Variants in TMCC2 observed in about 807,000 individuals in gnomAD.
The protein encoded by TMCC2 is transmembrane and coiled-coil domain family 2, also known as transmembrane and coiled-coil domains protein 2.
A neutral mutation model predicts 49.4 loss-of-function variants in TMCC2; 16 were observed. The observed-to-expected ratio is 0.32, with a 90% CI of 0.22 to 0.49. TMCC2 has a LOEUF of 0.49. TMCC2 is among the 20% of genes least tolerant of loss of function. The pLI is 0.99. For missense variants in TMCC2, 762 were observed against 989.8 expected, an observed-to-expected ratio of 0.77 and a Z score of 3.09; for synonymous variants, 397 against 434.1, an observed-to-expected ratio of 0.91 and a Z score of 1.06.
Position 205,269,334 on chromosome 1 carries a change from CG to C in TMCC2, c.1135del (p.Asp379ThrfsTer6). On this transcript the variant is annotated frameshift_variant, in exon 3 of 5. Transcript: ENST00000358024. LOFTEE classifies it high-confidence loss of function. ...GPSRQPKDVLRDMQQGLKDVG... is the reference protein window; with the variant it reads ...GPSRQPKDVLXDMQQGLKDVG... ...CTCGCGGCAGCCCAAGGACGTGCTG[CG>C]GGACATGCAGCAGGGGCTGAAGGAC... 6.2e-7 allele frequency: 1 copy of C among 1,613,152 alleles called. No homozygotes were observed. The highest frequency in any genetic ancestry group is 8.5e-7 in the Non-Finnish European group (1 of 1,179,856).
chr1:205,256,487 A>G, intron 2 of TMCC2: 1 of 1,467,172 alleles, frequency 6.8e-7, no homozygotes, highest in Non-Finnish European at 9.3e-7. Flanking sequence ...TGGGAAGCAG[A>G]AGCTAGTGCA....
At chr1:205,236,871 A>T (rs1051190702) in intron 1 of TMCC2, 1 of 152,178 alleles carries the variant, frequency 6.6e-6, no homozygotes, top group Non-Finnish European at 1.5e-5. Flanking sequence ...AAAGTCTTCT[A>T]TGTTGGTGTG....
chr1:205,257,063 T>A, intron 2 of TMCC2: 1 of 763,376 alleles, frequency 1.3e-6, no homozygotes, highest in Non-Finnish European at 1.7e-6. Context: ...GAGGGGCATC[T>A]CATCAGAGCT....
Position 205,271,916 on chromosome 1 carries a change from C to G in TMCC2, c.1922C>G (p.Ala641Gly). The change falls in exon 5 of 5, where the codon GCG becomes GGG. Residue 641 changes from alanine to glycine, a missense_variant. Transcript: ENST00000358024. Reference protein sequence around the residue: ...LEGVENANARALLGKFINVIL... With the variant: ...LEGVENANARGLLGKFINVIL... ...GGCGTGGAGAATGCCAACGCGCGGG[C>G]GCTGCTGGGCAAGTTCATCAACGTG... The G allele has an allele frequency of 6.2e-7, 1 of 1,614,194 alleles. No individual in the cohort carries two copies. The highest frequency in any genetic ancestry group is 8.5e-7 in the Non-Finnish European group (1 of 1,180,026).
chr1:205,253,081 A>G (rs1022337519), intron 2 of TMCC2, among the ~76,000 whole-genome samples: 4 of 152,040 alleles, frequency 2.6e-5, no homozygotes, highest in Non-Finnish European at 5.9e-5. Context: ...GCTTCCGTGA[A>G]CCATGATCAC....
At chr1:205,257,500 G>A in intron 2 of TMCC2, 1 of 978,572 alleles carries the variant, frequency 1.0e-6, no homozygotes, top group Non-Finnish European at 1.3e-6. Context: ...TCTCCTCCAG[G>A]TATAGAGAAC....
At chr1:205,237,536 GGGA>G (rs2102534603) in intron 1 of TMCC2, among the ~76,000 whole-genome samples, 1 of 152,302 alleles carries the variant, frequency 6.6e-6, no homozygotes, top group South Asian at 2.1e-4. Flanking sequence ...AAGCTTTCCT[GGGA>G]TTTGTTGAGA....
intron 2 of TMCC2, among the ~76,000 whole-genome samples, chr1:205,242,334 C>T (rs942408295): frequency 3.3e-5 from 5 of 152,138 alleles, no homozygotes; most frequent in Non-Finnish European, 5.9e-5. Flanking sequence ...TATCAAGAGG[C>T]AATAGGTATA....
chr1:205,266,240 CAAAAA>C (rs35034505), intron 2 of TMCC2, among the ~76,000 whole-genome samples: 1 of 49,278 alleles, frequency 2.0e-5, no homozygotes, highest in Non-Finnish European at 4.3e-5. Flanking sequence ...GACTCTGTCT[CAAAAA>C]AAAAAAAAAA....
Position 205,241,522 on chromosome 1 carries a change from A to G in TMCC2, c.225A>G (p.Ser75=), listed in dbSNP as rs1660261843. 1 of 1,613,614 alleles carries G rather than the reference A, an allele frequency of 6.2e-7. No individual in the cohort carries two copies. Among genetic ancestry groups the G allele is most frequent in the African/African-American group, 1.3e-5 (1 of 74,904 alleles). ...CCCTTAAGAAAATCCAGCAGCTGTC[A>G]GAGGGCTCCATGTTTGGCCACGGTC... is the stretch of plus-strand genomic sequence containing the variant. The part of the protein sequence containing the change: ...PPDLKKIQQL[S]EGSMFGHGLK... The change falls in exon 2 of 5, where the codon TCA becomes TCG. Residue 75 remains serine (S), a synonymous_variant. Transcript: ENST00000358024. The surrounding 1 kb of genome is among the most constrained non-coding windows in gnomAD (Gnocchi z 7.3).
chr1:205,231,093 A>C (rs1004292365), intron 1 of TMCC2, among the ~76,000 whole-genome samples: 2 of 149,056 alleles, frequency 1.3e-5, no homozygotes, highest in African/African-American at 4.9e-5. Flanking sequence ...TTGTGGGAGC[A>C]TGGGGAAACA....
chr1:205,240,385 G>A (rs915685559), intron 1 of TMCC2, among the ~76,000 whole-genome samples: 7 of 152,286 alleles, frequency 4.6e-5, no homozygotes, highest in African/African-American at 1.7e-4. Context: ...CCGGGTTGCA[G>A]TGCCTCTATG....
At chr1:205,262,691 G>A (rs943535713) in intron 2 of TMCC2, among the ~76,000 whole-genome samples, 1 of 152,198 alleles carries the variant, frequency 6.6e-6, no homozygotes, top group African/African-American at 2.4e-5. Context: ...GTTTGCCCCA[G>A]AGGGAGGCTA....
chr1:205,230,001 A>G lies in TMCC2; in HGVS notation c.207+1230A>G, dbSNP rs1427555159. The G allele has an allele frequency of 1.0e-5, 10 of 985,264 alleles. No homozygotes were observed. The East Asian group carries it at 4.5e-4, about 45-fold the overall frequency. The allele number at this position is 985,264 out of a possible 1,614,324, so 61.0% of individuals were successfully genotyped here. On this transcript the variant is annotated intron_variant, in intron 1 of 4. Coordinates refer to ENST00000358024, the MANE Select transcript of TMCC2 (RefSeq NM_014858.4). The stretch of plus-strand genomic sequence containing the variant: ...CCTTGGAAATTGATGCCTCACAGTT[A>G]TTTTCTCCAGAGAAGGTGCAGGGTC...
chr1:205,244,280 G>A (rs115593867), intron 2 of TMCC2, among the ~76,000 whole-genome samples: 650 of 152,294 alleles, frequency 4.3e-3, no homozygotes, highest in Non-Finnish European at 7.4e-3. Context: ...GGCAGAGATC[G>A]AAGATAGCAG....
chr1:205,241,663 G>A lies in TMCC2; in HGVS notation c.366G>A (p.Glu122=). Residue 122 remains glutamate, a synonymous_variant, in exon 2 of 5, where the codon GAG becomes GAA. Coordinates refer to ENST00000358024, the MANE Select transcript of TMCC2 (RefSeq NM_014858.4). The surrounding 1 kb of genome is among the most constrained non-coding windows in gnomAD (Gnocchi z 7.3). ...TGTCCGACCATGACTCCCCAGATGA[G>A]AAGGAGCGCTCTCCGGAGATGCATC... ...QGMSDHDSPD[E]KERSPEMHRV... 1 of 1,613,844 alleles carries A rather than the reference G, an allele frequency of 6.2e-7. No individual in the cohort carries two copies. The highest frequency in any genetic ancestry group is 1.6e-4 in the Middle Eastern group (1 of 6,062).
Position 205,228,505 on chromosome 1 carries a change from C to T in TMCC2, c.-60C>T, listed in dbSNP as rs1659657010. Reference sequence around the variant, plus strand: ...CCTCATATGAATATAAGAGGGGGTGCGGTCTTCCCCAAGACGGCGCGCTGG... The same window carrying T: ...CCTCATATGAATATAAGAGGGGGTGTGGTCTTCCCCAAGACGGCGCGCTGG... On this transcript the variant is annotated 5_prime_UTR_variant, in exon 1 of 5. Coordinates refer to ENST00000358024, the MANE Select transcript of TMCC2 (RefSeq NM_014858.4). 11 of 1,448,896 alleles carry T rather than the reference C, an allele frequency of 7.6e-6. No individual in the cohort carries two copies. In the South Asian group the frequency reaches 1.1e-4, roughly 15 times the overall value. The allele number at this position is 1,448,896 out of a possible 1,614,324, so 89.8% of individuals were successfully genotyped here.
At chr1:205,229,748 A>G (rs1017318640) in intron 1 of TMCC2, 3 of 985,392 alleles carry the variant, frequency 3.0e-6, no homozygotes, top group African/African-American at 3.5e-5. Context: ...GCCAGCAGCT[A>G]GAACCAGAAG....
At chr1:205,236,132 A>G (rs1660037474) in intron 1 of TMCC2, among the ~76,000 whole-genome samples, 1 of 151,758 alleles carries the variant, frequency 6.6e-6, no homozygotes. Flanking sequence ...TCCTTATTCC[A>G]GCCAGGTTAA....
Sources: allele counts gnomAD v4.1 joint callset (sites outside exome capture counted in the v4.1 genomes callset), GRCh38; gene constraint gnomAD v4.1.1; non-coding constraint Gnocchi (gnomAD v3.1); transcripts MANE v1.5; gene names NCBI Gene and HGNC (gene_info 2026-07-23, HGNC 2026-07-21).